Variants in PTCHD1 observed in about 807,000 individuals in gnomAD.
The protein encoded by PTCHD1 is patched domain containing 1, also known as patched domain-containing protein 1.
A neutral mutation model predicts 34.6 loss-of-function variants in PTCHD1; 3 were observed. The ratio of observed to expected loss-of-function variants is 0.09; its 90% confidence interval spans 0.04 to 0.22. The LOEUF (loss-of-function observed/expected upper bound fraction) is 0.22. Among genes scored for constraint, PTCHD1 ranks in the 10% least tolerant of loss-of-function variants. The pLI is 1.00. For synonymous variants in PTCHD1, 305 were observed against 283.1 expected (o/e 1.08, Z -0.77); for missense variants, 504 against 685.5 (o/e 0.74, Z 2.96).
At chrX:23,336,697 T>C (rs375774827) in intron 1 of PTCHD1, among the ~76,000 whole-genome samples, 2 of 111,760 alleles carry the variant, frequency 1.8e-5, no homozygotes, top group Middle Eastern at 4.6e-3. Context: ...TTAATAACAT[T>C]AATCCCGAGA....
At chrX:23,338,314 A>G (rs963294772) in intron 1 of PTCHD1, among the ~76,000 whole-genome samples, 1 of 112,451 alleles carries the variant, frequency 8.9e-6, no homozygotes, top group Admixed American at 9.4e-5. Flanking sequence ...AGCTGATTAT[A>G]TCTTTTAACA....
chrX:23,386,690 A>G (rs964464611), intron 2 of PTCHD1, among the ~76,000 whole-genome samples: 2 of 112,927 alleles, frequency 1.8e-5, no homozygotes, highest in African/African-American at 6.4e-5. Flanking sequence ...AAGCTTTTCT[A>G]AGAATAAAAT....
intron 1 of PTCHD1, among the ~76,000 whole-genome samples, chrX:23,366,836 A>G (rs1367419054): frequency 9.0e-6 from 1 of 110,655 alleles, no homozygotes; most frequent in Non-Finnish European, 1.9e-5. Flanking sequence ...CAATGAATGA[A>G]TAAGATCCTC....
intron 1 of PTCHD1, among the ~76,000 whole-genome samples, chrX:23,362,749 C>G (rs1922023433): frequency 8.9e-6 from 1 of 112,161 alleles, no homozygotes; most frequent in Non-Finnish European, 1.9e-5. Flanking sequence ...TCTGGTTTCT[C>G]CCCATCTTTG....
At position 23,394,302 on chromosome X, in the gene PTCHD1, CAAAAAAAAAAA is replaced by C. The variant is rs765690048; in HGVS notation, c.*129_*139del. The C allele has an allele frequency of 1.7e-4, 9 of 52,432 alleles. No individual in the cohort carries two copies. Among genetic ancestry groups the C allele is most frequent in the Non-Finnish European group, 2.9e-4 (9 of 30,511 alleles). The allele number at this position is 52,432 out of a possible 1,213,427, so 4.3% of individuals were successfully genotyped here. ...TTTAAAGATAGGAAACAGGCATTGC[CAAAAAAAAAAA>C]AAAAAAAAAAAGGAAAGGACAGTGG... On this transcript the variant is annotated 3_prime_UTR_variant, in exon 3 of 3. Coordinates refer to ENST00000379361, the MANE Select transcript of PTCHD1 (RefSeq NM_173495.3).
Position 23,391,360 on chromosome X carries a change from A to G in PTCHD1, c.1013-1171A>G, listed in dbSNP as rs190061062. Among the ~76,000 whole-genome samples, 5 of 111,094 alleles carry G rather than the reference A, an allele frequency of 4.5e-5. No individual in the cohort carries two copies. The Admixed American group carries it at 4.8e-4, about 11-fold the overall frequency. ...TTGATAAGTCATGTATGAATAACCA[A>G]ATTGGTCAAACAGATCCCTGAAGAC... On this transcript the variant is annotated intron_variant, in intron 2 of 2. Transcript: ENST00000379361.
chrX:23,398,901 C>T lies in PTCHD1; in HGVS notation c.*4716C>T, dbSNP rs902614484. 1.3e-4 allele frequency: 14 copies of T among 111,349 alleles called. No individual in the cohort carries two copies. The highest frequency in any genetic ancestry group is 2.3e-4 in the Non-Finnish European group (12 of 53,122). 9.2% of individuals were successfully genotyped at this position (111,349 alleles called of 1,213,427 possible). On this transcript the variant is annotated 3_prime_UTR_variant, in exon 3 of 3. Transcript: ENST00000379361. ...TCCTCTTTGATATCTATGAGAGCAC[C>T]GTGGAAGGAAGAAGAAGGGAGGCGA... is the stretch of plus-strand genomic sequence containing the variant.
In PTCHD1 at chrX:23,399,513, C is replaced by T. The variant is rs766120546; in HGVS notation, c.*5328C>T. On this transcript the variant is annotated 3_prime_UTR_variant, in exon 3 of 3. Transcript: ENST00000379361. ...AACCACTGTCCTAAATTAATACAGA[C>T]CTCATTGGGAGTGTGATCCTGGTGT... 2 of 111,739 alleles carry T rather than the reference C, an allele frequency of 1.8e-5. No homozygotes were observed. Among genetic ancestry groups the T allele is most frequent in the Non-Finnish European group, 3.8e-5 (2 of 53,163 alleles). 9.2% of individuals were successfully genotyped at this position (111,739 alleles called of 1,213,427 possible). A position where few individuals can be genotyped will look rare whatever the true frequency, so the allele number is the denominator to read the frequency against.
chrX:23,391,031 G>T lies in PTCHD1; in HGVS notation c.1013-1500G>T, dbSNP rs202043079. Among the ~76,000 whole-genome samples, 6 of 111,802 alleles carry T rather than the reference G, an allele frequency of 5.4e-5. No individual in the cohort carries two copies. The East Asian group carries it at 1.7e-3, about 31-fold the overall frequency. On this transcript the variant is annotated intron_variant, in intron 2 of 2. Coordinates refer to ENST00000379361, the MANE Select transcript of PTCHD1 (RefSeq NM_173495.3). ...ATCGAAATCCACAACGGGTCACTTT[G>T]GTGAGCCTTCCAATGTTGCAGTGGC...
chrX:23,364,531 C>G (rs898673516), intron 1 of PTCHD1, among the ~76,000 whole-genome samples: 1 of 110,635 alleles, frequency 9.0e-6, no homozygotes, highest in African/African-American at 3.3e-5. Context: ...TCTTGGCAGA[C>G]AAATCAGCCC....
intron 1 of PTCHD1, among the ~76,000 whole-genome samples, chrX:23,338,664 A>G (rs1435048834): frequency 8.9e-6 from 1 of 112,393 alleles, no homozygotes; most frequent in Non-Finnish European, 1.9e-5. Flanking sequence ...TGTCCATGGG[A>G]AAAAATACAA....
At chrX:23,335,266 C>A (rs749830554) in intron 1 of PTCHD1, 40 bp downstream of exon 1, 2 of 1,079,741 alleles carry the variant, frequency 1.9e-6, no homozygotes, top group South Asian at 3.8e-5. Context: ...GCCAGCGCCG[C>A]GGCCGCGGTC....
At chrX:23,364,354 T>A (rs1346738782) in intron 1 of PTCHD1, among the ~76,000 whole-genome samples, 2 of 101,022 alleles carry the variant, frequency 2.0e-5, no homozygotes, top group Non-Finnish European at 2.0e-5. Context: ...AATCATACCT[T>A]AATTATGAAG....
chrX:23,403,054 T>C lies in PTCHD1; in HGVS notation c.*8869T>C, dbSNP rs1206958780. 8.9e-6 allele frequency: 1 copy of C among 112,640 alleles called. No homozygotes were observed. The highest frequency in any genetic ancestry group is 2.8e-4 in the East Asian group (1 of 3,621). 9.3% of individuals were successfully genotyped at this position (112,640 alleles called of 1,213,427 possible). A position where few individuals can be genotyped will look rare whatever the true frequency, so the allele number is the denominator to read the frequency against. On this transcript the variant is annotated 3_prime_UTR_variant, in exon 3 of 3. Transcript: ENST00000379361. ...ACATTTAAACATGGCCCCTCTCTTA[T>C]TGTCATTGCTAGTGAAAGAAGTTCC...
intron 1 of PTCHD1, among the ~76,000 whole-genome samples, chrX:23,339,096 C>G (rs7884966): frequency 0.31 from 34,188 of 111,187 alleles, 5,139 homozygotes; most frequent in African/African-American, 0.58. Flanking sequence ...GCCTTACACA[C>G]TCCCTGGCAC....
In PTCHD1 at chrX:23,380,114, G is replaced by A; in HGVS notation, c.875G>A (p.Cys292Tyr). Reference sequence around the variant, plus strand: ...ATCCTGTGTTGCTCTATGCAGGACTGCGTCCGCAGCAAACCCTGGCTAGGC... The same window carrying A: ...ATCCTGTGTTGCTCTATGCAGGACTACGTCCGCAGCAAACCCTGGCTAGGC... The part of the protein sequence containing the change: ...MAILCCSMQD[C>Y]VRSKPWLGLL... Residue 292 changes from cysteine to tyrosine, a missense_variant, in exon 2 of 3, where the codon TGC becomes TAC. By Grantham distance (194) the Cys-to-Tyr change is radical. Coordinates refer to ENST00000379361, the MANE Select transcript of PTCHD1 (RefSeq NM_173495.3). The A allele has an allele frequency of 8.3e-7, 1 of 1,211,860 alleles. No homozygotes were observed. Among genetic ancestry groups the A allele is most frequent in the East Asian group, 3.0e-5 (1 of 33,849 alleles).
At chrX:23,343,238 A>G (rs750068653) in intron 1 of PTCHD1, among the ~76,000 whole-genome samples, 2 of 112,697 alleles carry the variant, frequency 1.8e-5, no homozygotes, top group Non-Finnish European at 3.7e-5. Context: ...AGCAATAAGC[A>G]TCCATTCTGT....
chrX:23,335,256 G>C, intron 1 of PTCHD1, 30 bp downstream of exon 1: 1 of 1,133,436 alleles, frequency 8.8e-7, no homozygotes, highest in Non-Finnish European at 1.2e-6. Context: ...GGCAGACTCC[G>C]CCAGCGCCGC....
intron 1 of PTCHD1, among the ~76,000 whole-genome samples, chrX:23,355,705 C>G (rs1433664375): frequency 1.8e-5 from 2 of 112,254 alleles, no homozygotes; most frequent in Non-Finnish European, 3.8e-5. Flanking sequence ...TGAACCCAAA[C>G]GTAGTTTGAG....
Sources: gnomAD v4.1 joint callset for allele counts (sites outside exome capture counted in the v4.1 genomes callset) on GRCh38, gnomAD v4.1.1 for gene constraint, MANE v1.5 for transcripts, NCBI Gene and HGNC (gene_info 2026-07-23, HGNC 2026-07-21) for gene names.